IRS1: variants seen among roughly 807,000 people sequenced by gnomAD.
IRS1 encodes insulin receptor substrate 1.
In IRS1, 34 loss-of-function variants were observed where a neutral mutation model predicts 65.6. That is an observed-to-expected ratio of 0.52 (90% CI 0.39 to 0.69). The LOEUF (loss-of-function observed/expected upper bound fraction) is 0.69. Among genes scored for constraint, IRS1 ranks in the 30% least tolerant of loss-of-function variants. IRS1 has a pLI of 0.00. For missense variants in IRS1, 1,641 were observed against 1,720.2 expected, an observed-to-expected ratio of 0.95 and a Z score of 0.81; for synonymous variants, 699 against 683.5, an observed-to-expected ratio of 1.02 and a Z score of -0.35.
At chr2:226,790,892 C>T (rs1939579447) in intron 1 of IRS1, among the ~76,000 whole-genome samples, 1 of 152,132 alleles carries the variant, frequency 6.6e-6, no homozygotes, top group African/African-American at 2.4e-5. Flanking sequence ...ATGTGCCCAG[C>T]CTAAATTGAC....
chr2:226,796,003 C>G lies in IRS1; in HGVS notation c.2736G>C (p.Pro912=), dbSNP rs200035660. Residue 912 remains proline (P), a synonymous_variant, in exon 1 of 2, where the codon CCG becomes CCC. Coordinates refer to ENST00000305123, the MANE Select transcript of IRS1 (RefSeq NM_005544.3). ...GSDQSGYLSG[P]VAFHSSPSVR... ...CAGAAGGTGAGCTGTGGAAAGCCAC[C>G]GGGCCAGACAAGTAGCCAGACTGAT... 3 of 1,614,016 alleles carry G rather than the reference C, an allele frequency of 1.9e-6. No homozygotes were observed. Among genetic ancestry groups the G allele is most frequent in the African/African-American group, 2.7e-5 (2 of 74,924 alleles).
chr2:226,787,145 C>T (rs1939503237), intron 1 of IRS1, among the ~76,000 whole-genome samples: 1 of 152,134 alleles, frequency 6.6e-6, no homozygotes, highest in Admixed American at 6.5e-5. Flanking sequence ...CTGGATGCCT[C>T]TTCTTCTGGT....
chr2:226,760,849 G>GA lies in IRS1; in HGVS notation c.*22-24600dup, dbSNP rs368751344. On this transcript the variant is annotated intron_variant, in intron 1 of 1. Coordinates refer to ENST00000305123, the MANE Select transcript of IRS1 (RefSeq NM_005544.3). ...ATTCCTTATTGAAAAGATATTGCAA[G>GA]AAAAAAAGCTTGAAAACTTGCCATC... 8.9e-4 allele frequency among the ~76,000 whole-genome samples: 135 copies of GA among 152,232 alleles called. 2 individuals carry two copies. In the East Asian group the frequency reaches 0.024, roughly 28 times the overall value.
chr2:226,765,174 C>A (rs1442358824), intron 1 of IRS1, among the ~76,000 whole-genome samples: 3 of 152,174 alleles, frequency 2.0e-5, no homozygotes, highest in African/African-American at 7.2e-5. Flanking sequence ...TGGGCTCAAC[C>A]AATCCTCTGA....
Position 226,798,816 on chromosome 2 carries a change from G to A in IRS1, c.-78C>T. 2.6e-6 allele frequency: 4 copies of A among 1,552,624 alleles called. No individual in the cohort carries two copies. Among genetic ancestry groups the A allele is most frequent in the South Asian group, 1.2e-5 (1 of 85,276 alleles). ...GGGTGGGGGGCGGAGGCTCCTCGCC[G>A]CGGCCCGGCACATGCAAACAGGGCT... On this transcript the variant is annotated 5_prime_UTR_variant, in exon 1 of 2. Coordinates refer to ENST00000305123, the MANE Select transcript of IRS1 (RefSeq NM_005544.3). The surrounding 1 kb of genome is among the most constrained non-coding windows in gnomAD (Gnocchi z 9.4).
intron 1 of IRS1, among the ~76,000 whole-genome samples, chr2:226,768,994 C>A (rs566937254): frequency 7.2e-5 from 11 of 152,210 alleles, no homozygotes; most frequent in African/African-American, 2.4e-4. Context: ...CTTCAGTGAC[C>A]CATTCTCTAA....
chr2:226,768,568 C>G (rs1381648755), intron 1 of IRS1, among the ~76,000 whole-genome samples: 1 of 152,178 alleles, frequency 6.6e-6, no homozygotes, highest in Non-Finnish European at 1.5e-5. Flanking sequence ...ATTGTACCAA[C>G]AGCAGCTTAG....
chr2:226,764,103 C>A (rs1054842441), intron 1 of IRS1, among the ~76,000 whole-genome samples: 4 of 151,950 alleles, frequency 2.6e-5, no homozygotes, highest in Admixed American at 2.6e-4. Context: ...CATTTCCACT[C>A]AGTCTGAAAG....
chr2:226,779,204 C>A (rs1194869447), intron 1 of IRS1, among the ~76,000 whole-genome samples: 1 of 152,206 alleles, frequency 6.6e-6, no homozygotes, highest in East Asian at 1.9e-4. Flanking sequence ...TCAGCAATTA[C>A]AACAGCTTAC....
chr2:226,763,911 A>T (rs999375046), intron 1 of IRS1, among the ~76,000 whole-genome samples: 4 of 152,140 alleles, frequency 2.6e-5, no homozygotes, highest in African/African-American at 9.7e-5. Flanking sequence ...AATCCATCCT[A>T]TGATAATCTT....
intron 1 of IRS1, among the ~76,000 whole-genome samples, chr2:226,779,763 C>T (rs377101882): frequency 3.9e-5 from 6 of 152,140 alleles, no homozygotes; most frequent in African/African-American, 9.7e-5. Flanking sequence ...GCTACAGTAG[C>T]GGACACACCA....
Position 226,797,144 on chromosome 2 carries a change from G to A in IRS1, c.1595C>T (p.Pro532Leu). 6.2e-7 allele frequency: 1 copy of A among 1,613,938 alleles called. No homozygotes were observed. Among genetic ancestry groups the A allele is most frequent in the Non-Finnish European group, 8.5e-7 (1 of 1,180,000 alleles). Residue 532 changes from proline to leucine, a missense_variant, in exon 1 of 2, where the codon CCT becomes CTT. Pro to Leu is a moderately conservative substitution (Grantham distance 98). This residue lies in a region of IRS1 where 1,324 missense variants were observed against 1,361.0 expected (regional missense o/e 0.97). Coordinates refer to ENST00000305123, the MANE Select transcript of IRS1 (RefSeq NM_005544.3). This position sits in a 1 kb window ranked among gnomAD's most constrained non-coding sequence, Gnocchi z 8.1. ...RKRTHSAGTS[P>L]TITHQKTPSQ... ...CGGGGTCTTCTGGTGGGTAATGGTA[G>A]GGGATGTGCCTGCCGAGTGAGTTCT... is the stretch of plus-strand genomic sequence containing the variant.
chr2:226,798,079 G>T lies in IRS1; in HGVS notation c.660C>A (p.Phe220Leu). The change falls in exon 1 of 2, where the codon TTC becomes TTA. Residue 220 changes from phenylalanine (F) to leucine (L), a missense_variant. By Grantham distance (22) the Phe-to-Leu change is conservative. Transcript: ENST00000305123. This position sits in a 1 kb window ranked among gnomAD's most constrained non-coding sequence, Gnocchi z 9.4. ...CAGAACGGCCCACCTCGATGAAGAA[G>T]AAGTTTTCCGAGTGGCCACAGCGCC... ...NIRRCGHSEN[F>L]FFIEVGRSAV... 6.2e-7 allele frequency: 1 copy of T among 1,614,080 alleles called. No individual in the cohort carries two copies. Among genetic ancestry groups the T allele is most frequent in the Non-Finnish European group, 8.5e-7 (1 of 1,180,022 alleles).
Position 226,797,313 on chromosome 2 carries a change from G to A in IRS1, c.1426C>T (p.Leu476=). ...ICMGGKGPST[L]TAPNGHYILS... ...ATGTAGTGACCGTTGGGGGCGGTCA[G>A]GGTGGAGGGCCCCTTGCCACCCATG... Residue 476 remains leucine (L), a synonymous_variant, in exon 1 of 2, where the codon CTG becomes TTG. Transcript: ENST00000305123. This position sits in a 1 kb window ranked among gnomAD's most constrained non-coding sequence, Gnocchi z 8.1. The A allele has an allele frequency of 1.2e-6, 2 of 1,613,526 alleles. No homozygotes were observed. The highest frequency in any genetic ancestry group is 2.2e-5 in the South Asian group (2 of 91,086).
rs771270167 is a variant in IRS1 at position 226,796,752 on chromosome 2, T to C, written c.1987A>G (p.Met663Val). The C allele has an allele frequency of 7.5e-6, 12 of 1,606,532 alleles. No individual in the cohort carries two copies. In the African/African-American group the frequency reaches 1.2e-4, roughly 16 times the overall value. Residue 663 changes from methionine (M) to valine (V), a missense_variant, in exon 1 of 2, where the codon ATG becomes GTG. Around this residue, in one of 3 missense-constraint regions of IRS1, gnomAD observed 1,324 missense variants for 1,361.0 expected, o/e 0.97. Transcript: ENST00000305123. Reference protein sequence around the residue: ...HPQRVDPNGYMMMSPSGGCSP... With the variant: ...HPQRVDPNGYVMMSPSGGCSP... Reference sequence around the variant, plus strand: ...CAGCCACCGCTGGGGGACATCATCATGTAGCCATTGGGGTCCACTCTCTGG... The same window carrying C: ...CAGCCACCGCTGGGGGACATCATCACGTAGCCATTGGGGTCCACTCTCTGG...
intron 1 of IRS1, among the ~76,000 whole-genome samples, chr2:226,754,634 G>A (rs1407960556): frequency 6.6e-6 from 1 of 152,122 alleles, no homozygotes; most frequent in Non-Finnish European, 1.5e-5. Context: ...AAGCATGGGT[G>A]GAAGTACTGT....
intron 1 of IRS1, among the ~76,000 whole-genome samples, chr2:226,773,297 A>G (rs1488216350): frequency 1.3e-5 from 2 of 152,196 alleles, no homozygotes; most frequent in Non-Finnish European, 2.9e-5. Flanking sequence ...ATATATAGAA[A>G]CAGCTGGGTT....
chr2:226,797,979 G>A lies in IRS1; in HGVS notation c.760C>T (p.Leu254=), dbSNP rs1482973025. 6.2e-7 allele frequency: 1 copy of A among 1,613,992 alleles called. No homozygotes were observed. The highest frequency in any genetic ancestry group is 1.3e-5 in the African/African-American group (1 of 74,912). The change falls in exon 1 of 2, where the codon CTG becomes TTG. Residue 254 remains leucine, a synonymous_variant. Transcript: ENST00000305123. The surrounding 1 kb of genome is among the most constrained non-coding windows in gnomAD (Gnocchi z 8.1). ...TCACTCATGGCCCGCATGGCCTCCA[G>A]GATGGTCTCGTGCATGTTCTGGGCC... ...VVAQNMHETI[L]EAMRAMSDEF...
chr2:226,791,609 C>T (rs1217044738), intron 1 of IRS1, among the ~76,000 whole-genome samples: 1 of 152,028 alleles, frequency 6.6e-6, no homozygotes, highest in African/African-American at 2.4e-5. Context: ...AGGTGCCAGG[C>T]AGGGTGGCAG....
Sources: allele counts gnomAD v4.1 joint callset (sites outside exome capture counted in the v4.1 genomes callset), GRCh38; gene constraint gnomAD v4.1.1; regional missense constraint gnomAD v4.1.1; non-coding constraint Gnocchi (gnomAD v3.1); transcripts MANE v1.5; gene names NCBI Gene and HGNC (gene_info 2026-07-23, HGNC 2026-07-21).